The following EPHB1 variants were observed in gnomAD, a reference collection of about 807,000 sequenced individuals.
EPHB1 encodes the protein ephrin type-B receptor 1.
In EPHB1, 30 loss-of-function variants were observed where a neutral mutation model predicts 94.4. The ratio of observed to expected loss-of-function variants is 0.32; its 90% CI spans 0.24 to 0.43. The LOEUF (loss-of-function observed/expected upper bound fraction) is 0.43. EPHB1 is among the 20% of genes least tolerant of loss of function. The pLI, the probability that EPHB1 is intolerant of heterozygous loss-of-function variation, is 1.00. For synonymous variants in EPHB1, 522 were observed against 489.1 expected, an observed-to-expected ratio of 1.07 and a Z score of -0.89; for missense variants, 1,055 against 1,308.3, an observed-to-expected ratio of 0.81 and a Z score of 2.99.
chr3:135,047,863 GCTGTTACACACCTTAAATGCA>G (rs1349156814), intron 3 of EPHB1, among the ~76,000 whole-genome samples: 1 of 152,152 alleles, frequency 6.6e-6, no homozygotes, highest in Non-Finnish European at 1.5e-5. Context: ...TGGAGATGAT[GCTGTTACACACCTTAAATGCA>G]CAGGACAGCC....
intron 2 of EPHB1, among the ~76,000 whole-genome samples, chr3:134,934,681 G>A (rs2038967476): frequency 6.6e-6 from 1 of 151,868 alleles, no homozygotes; most frequent in South Asian, 2.1e-4. Context: ...GACTTTGTGT[G>A]TGTGCGGTAT....
At chr3:134,828,882 T>C (rs986093877) in intron 1 of EPHB1, among the ~76,000 whole-genome samples, 5 of 152,196 alleles carry the variant, frequency 3.3e-5, no homozygotes, top group Non-Finnish European at 7.3e-5. Flanking sequence ...CAAGATTTCC[T>C]GTATCTGCAG....
intron 10 of EPHB1, among the ~76,000 whole-genome samples, chr3:135,183,592 G>C (rs1942249779): frequency 6.6e-6 from 1 of 152,222 alleles, no homozygotes; most frequent in African/African-American, 2.4e-5. Flanking sequence ...TCAGTGAGAG[G>C]AAGGCAGTGA....
At chr3:134,872,388 ATTTC>A (rs1466969388) in intron 1 of EPHB1, among the ~76,000 whole-genome samples, 1 of 152,184 alleles carries the variant, frequency 6.6e-6, no homozygotes, top group African/African-American at 2.4e-5. Flanking sequence ...TGCCTCTTCT[ATTTC>A]TTATAATTTG....
intron 9 of EPHB1, among the ~76,000 whole-genome samples, chr3:135,177,557 G>C (rs1426504122): frequency 6.6e-6 from 1 of 152,250 alleles, no homozygotes; most frequent in Non-Finnish European, 1.5e-5. Flanking sequence ...ACATTGCTTA[G>C]ATGTGAATCT....
intron 1 of EPHB1, among the ~76,000 whole-genome samples, chr3:134,880,015 C>A (rs1299630185): frequency 6.6e-6 from 1 of 152,146 alleles, no homozygotes; most frequent in African/African-American, 2.4e-5. Flanking sequence ...ATTATCAATG[C>A]CAAATGCTGG....
chr3:134,953,539 C>T (rs954994449), intron 3 of EPHB1, among the ~76,000 whole-genome samples: 4 of 152,236 alleles, frequency 2.6e-5, no homozygotes, highest in Non-Finnish European at 4.4e-5. Context: ...TGCCATTTGG[C>T]AGGGTCTAAG....
At chr3:135,008,654 T>C (rs1309555035) in intron 3 of EPHB1, among the ~76,000 whole-genome samples, 1 of 152,230 alleles carries the variant, frequency 6.6e-6, no homozygotes, top group Middle Eastern at 3.2e-3. Context: ...ATTGCTGCTA[T>C]GAGGAGCAGT....
rs556968848 is a variant in EPHB1 at position 135,240,790 on chromosome 3, C to A, written c.2347-358C>A. ...TTACATTGCCAGGGAGCAAAGAAAA[C>A]CATAACTTGTTTCTCATGTAGCCAA... is the stretch of plus-strand genomic sequence containing the variant. On this transcript the variant is annotated intron_variant, in intron 12 of 15. Transcript: ENST00000398015. Among the ~76,000 whole-genome samples the A allele has an allele frequency of 1.6e-3, 245 of 152,292 alleles. 1 individual carries two copies. The highest frequency in any genetic ancestry group is 5.5e-3 in the African/African-American group (228 of 41,564).
rs368240835 is a variant in EPHB1, at chr3:135,166,033, G to A, written c.1651G>A (p.Val551Met). Residue 551 changes from valine (V) to methionine (M), a missense_variant, in exon 8 of 16, where the codon GTG becomes ATG. By Grantham distance (21) the Val-to-Met change is conservative (BLOSUM62 1). Transcript: ENST00000398015. ...LIAGSAAAGV[V>M]FVVSLVAISI... ...TGCTGGCTCGGCAGCGGCCGGGGTC[G>A]TGTTCGTTGTGTCCTTGGTGGCCAT... is the stretch of plus-strand genomic sequence containing the variant. 41 of 1,613,802 alleles carry A rather than the reference G, an allele frequency of 2.5e-5. No individual in the cohort carries two copies. Among genetic ancestry groups the A allele is most frequent in the Non-Finnish European group, 2.7e-5 (32 of 1,179,870 alleles).
At chr3:134,980,982 C>G (rs971756667) in intron 3 of EPHB1, among the ~76,000 whole-genome samples, 1 of 152,166 alleles carries the variant, frequency 6.6e-6, no homozygotes, top group African/African-American at 2.4e-5. Context: ...ATGAGCTCAA[C>G]AGGTTCCTCT....
intron 11 of EPHB1, among the ~76,000 whole-genome samples, chr3:135,194,336 T>C (rs1009100156): frequency 6.6e-6 from 1 of 152,230 alleles, no homozygotes; most frequent in Non-Finnish European, 1.5e-5. Context: ...TATACTTTTT[T>C]TCCCCATAAG....
chr3:134,925,552 G>A (rs527272307), intron 1 of EPHB1, among the ~76,000 whole-genome samples: 2 of 152,164 alleles, frequency 1.3e-5, no homozygotes, highest in East Asian at 1.9e-4. Context: ...CAGGAGCCTT[G>A]GGGTCACCGG....
intron 1 of EPHB1, among the ~76,000 whole-genome samples, chr3:134,902,482 C>T (rs941285211): frequency 2.6e-5 from 4 of 152,092 alleles, no homozygotes; most frequent in South Asian, 4.2e-4. Flanking sequence ...TGTGCTAATG[C>T]ATTTTGTGCA....
intron 3 of EPHB1, among the ~76,000 whole-genome samples, chr3:135,013,784 G>A (rs1935698626): frequency 6.6e-6 from 1 of 152,226 alleles, no homozygotes; most frequent in Non-Finnish European, 1.5e-5. Flanking sequence ...GGCTGTGGAT[G>A]TTAGCACATT....
rs1560255041 is a variant in EPHB1, at chr3:134,834,946, T to G, written c.58+39257T>G. On this transcript the variant is annotated intron_variant, in intron 1 of 15. Transcript: ENST00000398015. Reference sequence around the variant, plus strand: ...AGTATTTATCTTTATTTCTGTCACCTATGAGTGATTGACTGTCTGTCCTGG... The same window carrying G: ...AGTATTTATCTTTATTTCTGTCACCGATGAGTGATTGACTGTCTGTCCTGG... Among the ~76,000 whole-genome samples, 8 of 152,344 alleles carry G rather than the reference T, an allele frequency of 5.3e-5. No individual in the cohort carries two copies. In the South Asian group the frequency reaches 1.7e-3, roughly 32 times the overall value.
At chr3:135,002,112 A>C (rs1935206124) in intron 3 of EPHB1, among the ~76,000 whole-genome samples, 1 of 152,220 alleles carries the variant, frequency 6.6e-6, no homozygotes. Context: ...TGAAATGTTG[A>C]TGTATGCTGT....
intron 5 of EPHB1, among the ~76,000 whole-genome samples, chr3:135,135,325 C>A (rs547136179): frequency 1.4e-4 from 22 of 152,260 alleles, no homozygotes; most frequent in African/African-American, 5.3e-4. Context: ...AGGGTGCCAT[C>A]GCACTGATTT....
intron 1 of EPHB1, among the ~76,000 whole-genome samples, chr3:134,804,350 C>T (rs138426940): frequency 2.2e-4 from 33 of 152,148 alleles, no homozygotes; most frequent in Non-Finnish European, 3.1e-4. Context: ...CAGAATAGCA[C>T]GGGGAAAGAC....
Sources: allele counts gnomAD v4.1 joint callset (sites outside exome capture counted in the v4.1 genomes callset), GRCh38; gene constraint gnomAD v4.1.1; transcripts MANE v1.5; gene names NCBI Gene and HGNC (gene_info 2026-07-23, HGNC 2026-07-21).